SERGEF: variants seen among roughly 807,000 people sequenced by gnomAD.
The protein encoded by SERGEF is secretion-regulating guanine nucleotide exchange factor.
Under a neutral mutation model 50.0 loss-of-function variants are expected in SERGEF, and 51 were observed. That is an observed-to-expected ratio of 1.02 (90% confidence interval 0.81 to 1.29). The LOEUF is 1.29. SERGEF is among the 50% of genes most tolerant of loss of function. SERGEF has a pLI of 0.00. For missense variants in SERGEF, 521 were observed against 557.0 expected (o/e 0.94, Z 0.65); for synonymous variants, 205 against 212.4 (o/e 0.97, Z 0.30).
At chr11:17,902,483 GAACT>G (rs902105838) in intron 9 of SERGEF, among the ~76,000 whole-genome samples, 4 of 152,140 alleles carry the variant, frequency 2.6e-5, no homozygotes, top group African/African-American at 9.7e-5. Flanking sequence ...GAGTGCAGAT[GAACT>G]AACTGACTGG....
intron 10 of SERGEF, among the ~76,000 whole-genome samples, chr11:17,798,111 G>T (rs1241530179): frequency 6.6e-6 from 1 of 152,154 alleles, no homozygotes; most frequent in Non-Finnish European, 1.5e-5. Flanking sequence ...CAAAAGAAAG[G>T]CCTTGGCTCA....
At chr11:17,923,564 G>A (rs1852198158) in intron 9 of SERGEF, among the ~76,000 whole-genome samples, 1 of 152,158 alleles carries the variant, frequency 6.6e-6, no homozygotes, top group African/African-American at 2.4e-5. Flanking sequence ...ATGTGAATGG[G>A]GCCTGGACCA....
At chr11:17,917,443 A>G (rs1767265321) in intron 9 of SERGEF, among the ~76,000 whole-genome samples, 2 of 152,238 alleles carry the variant, frequency 1.3e-5, no homozygotes, top group South Asian at 4.1e-4. Context: ...GGTGATGGAT[A>G]CAAGACTGCA....
chr11:17,792,175 T>C (rs1849493507), intron 10 of SERGEF, among the ~76,000 whole-genome samples: 1 of 152,262 alleles, frequency 6.6e-6, no homozygotes, highest in African/African-American at 2.4e-5. Flanking sequence ...AGGCAATCAC[T>C]GGCCAAAAGC....
chr11:17,900,561 C>T (rs534001671), intron 9 of SERGEF, among the ~76,000 whole-genome samples: 5 of 152,304 alleles, frequency 3.3e-5, no homozygotes, highest in African/African-American at 9.6e-5. Context: ...TGTTTATTCT[C>T]TAATAACCTT....
chr11:17,875,458 C>T (rs763647224), intron 10 of SERGEF, among the ~76,000 whole-genome samples: 1 of 152,212 alleles, frequency 6.6e-6, no homozygotes, highest in African/African-American at 2.4e-5. Context: ...TGGATTTGAG[C>T]GTTGCCTCCC....
chr11:17,836,758 T>C (rs1850406977), intron 10 of SERGEF, among the ~76,000 whole-genome samples: 2 of 152,348 alleles, frequency 1.3e-5, no homozygotes, highest in Non-Finnish European at 1.5e-5. Context: ...GCAGTTTCTC[T>C]ATGAAACTTT....
At chr11:18,008,771 C>A (rs1238655780) in intron 1 of SERGEF, among the ~76,000 whole-genome samples, 1 of 151,744 alleles carries the variant, frequency 6.6e-6, no homozygotes, top group African/African-American at 2.4e-5. Context: ...TCCTCCTGCA[C>A]CCATGCCACC....
At chr11:17,874,460 G>A (rs1384594254) in intron 10 of SERGEF, among the ~76,000 whole-genome samples, 2 of 152,268 alleles carry the variant, frequency 1.3e-5, no homozygotes, top group East Asian at 3.9e-4. Flanking sequence ...TCACCATTCT[G>A]TCTAGTCATG....
At chr11:17,899,761 A>T (rs1219038944) in intron 9 of SERGEF, among the ~76,000 whole-genome samples, 2 of 152,006 alleles carry the variant, frequency 1.3e-5, no homozygotes, top group African/African-American at 4.8e-5. Flanking sequence ...AAGACCAGCC[A>T]GGACAACATA....
intron 9 of SERGEF, among the ~76,000 whole-genome samples, chr11:17,947,574 C>A (rs1039873710): frequency 6.6e-6 from 1 of 152,212 alleles, no homozygotes; most frequent in African/African-American, 2.4e-5. Flanking sequence ...TGAGCTGTTA[C>A]AGGCTCTGCC....
chr11:17,858,448 C>A (rs191572000), intron 10 of SERGEF, among the ~76,000 whole-genome samples: 69 of 152,232 alleles, frequency 4.5e-4, no homozygotes, highest in Middle Eastern at 3.4e-3. Flanking sequence ...AGCATATACA[C>A]CCCAAGACAG....
In SERGEF at chr11:17,862,551, G is replaced by A. The variant is rs187408731; in HGVS notation, c.1048+15657C>T. On this transcript the variant is annotated intron_variant, in intron 10 of 10. Coordinates refer to ENST00000265965, the MANE Select transcript of SERGEF (RefSeq NM_012139.4). ...CTAAAGCACTGCCCAGGGACAGCAC[G>A]GTGAATGAATAGTCATAGCTGTTCT... Among the ~76,000 whole-genome samples, 324 of 152,312 alleles carry A rather than the reference G, an allele frequency of 2.1e-3. 3 individuals carry two copies. Among genetic ancestry groups the A allele is most frequent in the Non-Finnish European group, 5.4e-4 (37 of 68,028 alleles).
intron 10 of SERGEF, among the ~76,000 whole-genome samples, chr11:17,862,167 G>A (rs1183323693): frequency 6.6e-6 from 1 of 152,064 alleles, no homozygotes; most frequent in Non-Finnish European, 1.5e-5. Context: ...TTTTGTTCAT[G>A]TTGATCATAT....
intron 9 of SERGEF, among the ~76,000 whole-genome samples, chr11:17,919,945 TA>T (rs58325345): frequency 2.2e-3 from 249 of 114,304 alleles, no homozygotes; most frequent in East Asian, 7.2e-3. Flanking sequence ...AAACTCCATC[TA>T]AAAAAAAAAA....
chr11:17,953,474 C>G (rs1269633362), intron 9 of SERGEF, among the ~76,000 whole-genome samples: 1 of 152,202 alleles, frequency 6.6e-6, no homozygotes, highest in Non-Finnish European at 1.5e-5. Flanking sequence ...TATAGGCTCA[C>G]AGCCTATCTG....
chr11:17,802,895 T>C (rs1406307147), intron 10 of SERGEF, among the ~76,000 whole-genome samples: 1 of 152,262 alleles, frequency 6.6e-6, no homozygotes, highest in African/African-American at 2.4e-5. Context: ...TTTGTTTGTC[T>C]GTTTCCCCAC....
chr11:17,905,743 G>T (rs1476091012), intron 9 of SERGEF, among the ~76,000 whole-genome samples: 1 of 152,168 alleles, frequency 6.6e-6, no homozygotes, highest in African/African-American at 2.4e-5. Context: ...CTGTGTGGTT[G>T]TAACAGCACT....
rs1434918795 is a variant in SERGEF at position 18,006,730 on chromosome 11, A to G, written c.213T>C (p.Phe71=). 6.2e-7 allele frequency: 1 copy of G among 1,614,198 alleles called. No individual in the cohort carries two copies. The highest frequency in any genetic ancestry group is 2.2e-5 in the East Asian group (1 of 44,892). Residue 71 remains phenylalanine, a synonymous_variant, in exon 3 of 11, where the codon TTT becomes TTC. Transcript: ENST00000265965. ...SAVVTDGGDL[F]VCGLNKDGQL... ...GCCCATCTTTGTTCAGGCCACAAAC[A>G]AAGAGGTCTCCTCCATCTGCAAAAT...
Sources: gnomAD v4.1 joint callset for allele counts (sites outside exome capture counted in the v4.1 genomes callset) on GRCh38, gnomAD v4.1.1 for gene constraint, MANE v1.5 for transcripts, NCBI Gene and HGNC (gene_info 2026-07-23, HGNC 2026-07-21) for gene names.